Variants in LTBP2 observed in about 807,000 individuals in gnomAD.
LTBP2 encodes the protein latent-transforming growth factor beta-binding protein 2.
Under a neutral mutation model 210.6 loss-of-function variants are expected in LTBP2, and 103 were observed. That is an observed-to-expected ratio of 0.49 (90% CI 0.42 to 0.58). The LOEUF (loss-of-function observed/expected upper bound fraction) is 0.58. LTBP2 is among the 20% of genes least tolerant of loss of function. LTBP2 has a pLI of 0.00. For missense variants in LTBP2, 2,313 were observed against 2,494.5 expected, an observed-to-expected ratio of 0.93 and a Z score of 1.55; for synonymous variants, 1,007 against 1,015.0, an observed-to-expected ratio of 0.99 and a Z score of 0.15.
At chr14:74,516,785 G>C in intron 18 of LTBP2, 37 bp downstream of exon 18, 3 of 1,531,994 alleles carry the variant, frequency 2.0e-6, no homozygotes, top group Non-Finnish European at 2.6e-6. Flanking sequence ...GGTGGGTGGT[G>C]GGGTGGCAGG....
At chr14:74,516,420 G>A (rs1325456296) in intron 18 of LTBP2, among the ~76,000 whole-genome samples, 1 of 140,286 alleles carries the variant, frequency 7.1e-6, no homozygotes, top group Non-Finnish European at 1.5e-5. Flanking sequence ...TCCATGTATG[G>A]GCCATCTAAA....
rs1037898027 is a variant in LTBP2 at position 74,500,336 on chromosome 14, G to A, written c.*548C>T. 2.7e-5 allele frequency: 7 copies of A among 263,978 alleles called. 1 individual carries two copies. The Admixed American group carries it at 3.3e-4, about 13-fold the overall frequency. The allele number at this position is 263,978 out of a possible 1,614,324, so 16.4% of individuals were successfully genotyped here. On this transcript the variant is annotated 3_prime_UTR_variant, in exon 36 of 36. Coordinates refer to ENST00000261978, the MANE Select transcript of LTBP2 (RefSeq NM_000428.3). The stretch of plus-strand genomic sequence containing the variant: ...AGAGAATGGGCTACAGGATGGAGGT[G>A]TGGCAAAATCAGGGCCCAGAACAGA...
intron 7 of LTBP2, among the ~76,000 whole-genome samples, chr14:74,550,861 A>G (rs2087643319): frequency 6.6e-6 from 1 of 152,202 alleles, no homozygotes; most frequent in African/African-American, 2.4e-5. Context: ...ATTGACAAGC[A>G]CCAAGTAGAG....
rs748925944 is a variant in LTBP2 at position 74,528,590 on chromosome 14, C to T, written c.2261G>A (p.Arg754Lys). ...CCCGCTGCTCCTCTGCCCTTGCTCC[C>T]TTGGGGGCCTTGCCAGTTCCTCCTC... ...AEEEELARPP[R>K]EQGQRSSGAL... Residue 754 changes from arginine to lysine, a missense_variant, in exon 12 of 36, where the codon AGG becomes AAG. Arg to Lys is a conservative substitution (Grantham distance 26). Around this residue, in one of 3 missense-constraint regions of LTBP2, gnomAD observed 1,867 missense variants for 1,976.9 expected, o/e 0.94. Coordinates refer to ENST00000261978, the MANE Select transcript of LTBP2 (RefSeq NM_000428.3). 1.2e-6 allele frequency: 2 copies of T among 1,613,426 alleles called. No individual in the cohort carries two copies. The highest frequency in any genetic ancestry group is 2.7e-5 in the African/African-American group (2 of 74,948).
At chr14:74,567,236 T>C (rs925071059) in intron 3 of LTBP2, among the ~76,000 whole-genome samples, 1 of 152,182 alleles carries the variant, frequency 6.6e-6, no homozygotes, top group African/African-American at 2.4e-5. Flanking sequence ...CAGAGACTCC[T>C]AGGAGCCACA....
At chr14:74,528,337 G>A in intron 12 of LTBP2, 146 bp downstream of exon 12, 1 of 906,090 alleles carries the variant, frequency 1.1e-6, no homozygotes, top group Non-Finnish European at 1.8e-6. Flanking sequence ...GGCTGCCAGG[G>A]TTGGGTGCTG....
chr14:74,506,336 C>T (rs2086984612), intron 27 of LTBP2, 145 bp from the exon 28 acceptor site: 2 of 1,104,918 alleles, frequency 1.8e-6, no homozygotes, highest in South Asian at 1.3e-5. Context: ...GGAGGAGGAA[C>T]CAATGGACAG....
Position 74,611,858 on chromosome 14 carries a change from G to C in LTBP2, c.87C>G (p.Phe29Leu). 1 of 1,610,798 alleles carries C rather than the reference G, an allele frequency of 6.2e-7. No homozygotes were observed. The highest frequency in any genetic ancestry group is 8.5e-7 in the Non-Finnish European group (1 of 1,179,524). ...CCCTTTGGGCATGACCCGCGCCCAC[G>C]AAGAGAGCCAGGGTGAGCGGCAGGA... The part of the protein sequence containing the change: ...RGFLPLTLAL[F>L]VGAGHAQRDP... Residue 29 changes from phenylalanine (F) to leucine (L), a missense_variant, in exon 1 of 36, where the codon TTC becomes TTG. Physicochemically the swap from Phe to Leu is conservative, Grantham distance 22. This residue lies in a region of LTBP2 where 1,867 missense variants were observed against 1,976.9 expected (regional missense o/e 0.94). Transcript: ENST00000261978.
Position 74,502,637 on chromosome 14 carries a change from T to G in LTBP2, c.5170+16A>C. 1.2e-6 allele frequency: 2 copies of G among 1,614,158 alleles called. No homozygotes were observed. The highest frequency in any genetic ancestry group is 1.7e-6 in the Non-Finnish European group (2 of 1,180,036). On this transcript the variant is annotated intron_variant, in intron 34 of 35. Transcript: ENST00000261978. ...TTTGGTGCCCACCTCTTCCCCAGTT[T>G]TGCAGCAACACAGACCTGGATGGCT...
intron 1 of LTBP2, among the ~76,000 whole-genome samples, chr14:74,609,308 ACCTGTGTACAGCAGGTGGCAC>A (rs927410663): frequency 3.3e-5 from 5 of 152,186 alleles, no homozygotes; most frequent in African/African-American, 4.8e-5. Flanking sequence ...TGATGTGTGC[ACCTGTGTACAGCAGGTGGCAC>A]CCAGCCCATG....
In LTBP2 at chr14:74,551,149, C is replaced by T. The variant is rs866955606; in HGVS notation, c.1601G>A (p.Gly534Glu). ...TGGGGGCAGTGGCCGAGGGGGCTCTCCAGACCGAGCAGGGATGTTGTTGCT... is the reference window on the plus strand; with the variant it reads ...TGGGGGCAGTGGCCGAGGGGGCTCTTCAGACCGAGCAGGGATGTTGTTGCT... ...WDSNNIPARSGEPPRPLPPAA... is the reference protein window; with the variant it reads ...WDSNNIPARSEEPPRPLPPAA... The change falls in exon 7 of 36, where the codon GGA becomes GAA. Residue 534 changes from glycine (G) to glutamate (E), a missense_variant. By Grantham distance (98) the Gly-to-Glu change is moderately conservative. This residue lies in a region of LTBP2 where 1,867 missense variants were observed against 1,976.9 expected (regional missense o/e 0.94). Coordinates refer to ENST00000261978, the MANE Select transcript of LTBP2 (RefSeq NM_000428.3). 6.2e-7 allele frequency: 1 copy of T among 1,613,892 alleles called. No individual in the cohort carries two copies. The highest frequency in any genetic ancestry group is 8.5e-7 in the Non-Finnish European group (1 of 1,180,014).
chr14:74,592,466 G>T (rs1283156038), intron 2 of LTBP2, among the ~76,000 whole-genome samples: 6 of 152,136 alleles, frequency 3.9e-5, no homozygotes, highest in Non-Finnish European at 8.8e-5. Flanking sequence ...TCCAAGGGTT[G>T]CCCAGCCTGG....
intron 4 of LTBP2, 78 bp from the exon 5 acceptor site, chr14:74,553,140 C>T: frequency 7.1e-7 from 1 of 1,409,100 alleles, no homozygotes. Context: ...TTAGAAAGCC[C>T]CATGGGACTA....
intron 2 of LTBP2, among the ~76,000 whole-genome samples, chr14:74,591,421 G>C (rs774834330): frequency 3.3e-5 from 5 of 152,228 alleles, no homozygotes; most frequent in Admixed American, 2.0e-4. Context: ...AAACCAGCCA[G>C]ACGTGTTGGT....
At chr14:74,591,035 A>G (rs2088276217) in intron 2 of LTBP2, among the ~76,000 whole-genome samples, 1 of 152,228 alleles carries the variant, frequency 6.6e-6, no homozygotes, top group Admixed American at 6.5e-5. Context: ...CTGTCTAGAA[A>G]TCCAAGACCC....
chr14:74,516,700 G>T, intron 18 of LTBP2, 122 bp downstream of exon 18: 3 of 1,302,384 alleles, frequency 2.3e-6, no homozygotes, highest in Middle Eastern at 2.5e-4. Context: ...CATAGACGTG[G>T]GCTCAGCATC....
intron 25 of LTBP2, 135 bp downstream of exon 25, chr14:74,507,838 G>A: frequency 2.5e-6 from 3 of 1,207,380 alleles, no homozygotes; most frequent in East Asian, 2.4e-5. Flanking sequence ...CCTGAGCCCT[G>A]AGTCTCAATA....
Position 74,571,343 on chromosome 14 carries a change from CAA to C in LTBP2, c.830+14509_830+14510del, listed in dbSNP as rs922680500. 7.8e-4 allele frequency among the ~76,000 whole-genome samples: 118 copies of C among 152,130 alleles called. 1 individual carries two copies. Among genetic ancestry groups the C allele is most frequent in the African/African-American group, 2.7e-3 (113 of 41,524 alleles). On this transcript the variant is annotated intron_variant, in intron 3 of 35. Transcript: ENST00000261978. ...AGCGAGACTCCATCCTCCTCCCCAC[CAA>C]AAAAGACTGGGTGTCATTTATAGAG...
chr14:74,501,532 A>G lies in LTBP2; in HGVS notation c.5229T>C (p.Cys1743=). The G allele has an allele frequency of 6.2e-7, 1 of 1,614,066 alleles. No individual in the cohort carries two copies. The highest frequency in any genetic ancestry group is 8.5e-7 in the Non-Finnish European group (1 of 1,180,004). ...QAEECGILNG[C]ENGRCVRVRE... is the part of the protein sequence containing the mutation. The stretch of plus-strand genomic sequence containing the variant: ...GCACGCGCACACAGCGGCCATTCTC[A>G]CAGCCGTTCAGGATGCCGCACTCCT... Residue 1743 remains cysteine (C), a synonymous_variant, in exon 35 of 36, where the codon TGT becomes TGC. Transcript: ENST00000261978.
Sources: gnomAD v4.1 joint callset for allele counts (sites outside exome capture counted in the v4.1 genomes callset) on GRCh38, gnomAD v4.1.1 for gene constraint, gnomAD v4.1.1 regional missense constraint, MANE v1.5 for transcripts, NCBI Gene and HGNC (gene_info 2026-07-23, HGNC 2026-07-21) for gene names.